The following CANX variants were observed in gnomAD, a reference collection of about 807,000 sequenced individuals.
The protein encoded by CANX is calnexin, also known as epididymis secretory sperm binding protein.
CANX carries 14 observed loss-of-function variants against 75.7 expected under a neutral mutation model. The ratio of observed to expected loss-of-function variants is 0.19; its 90% CI spans 0.12 to 0.29. The LOEUF (loss-of-function observed/expected upper bound fraction) is 0.29. Among genes scored for constraint, CANX ranks in the 10% least tolerant of loss-of-function variants. The pLI is 1.00. For missense variants in CANX, 567 were observed against 713.2 expected (o/e 0.79, Z 2.34); for synonymous variants, 227 against 236.9 (o/e 0.96, Z 0.38).
In CANX at chr5:179,712,908, A is replaced by T. The variant is rs1297380635; in HGVS notation, c.721+2843A>T. Among the ~76,000 whole-genome samples, 413 of 133,428 alleles carry T rather than the reference A, an allele frequency of 3.1e-3. 2 individuals carry two copies. Among genetic ancestry groups the T allele is most frequent in the Non-Finnish European group, 5.3e-3 (326 of 61,320 alleles). 87.5% of individuals were successfully genotyped at this position (133,428 alleles called of 152,430 possible). A position where few individuals can be genotyped will look rare whatever the true frequency, so the allele number is the denominator to read the frequency against. On this transcript the variant is annotated intron_variant, in intron 7 of 14. Transcript: ENST00000247461. ...CCAGCTAATTTTTCTTTTTTTTATT[A>T]TTATTATTTTTTTTTTTTTCCAGCT...
Position 179,723,665 on chromosome 5 carries a change from C to T in CANX, c.1404C>T (p.Gly468=), listed in dbSNP as rs768194077. 19 of 1,612,358 alleles carry T rather than the reference C, an allele frequency of 1.2e-5. No individual in the cohort carries two copies. The highest frequency in any genetic ancestry group is 1.6e-4 in the Middle Eastern group (1 of 6,072). The change falls in exon 12 of 15, where the codon GGC becomes GGT. Residue 468 remains glycine (G), a synonymous_variant. Transcript: ENST00000247461. ...KKAADGAAEP[G]VVGQMIEAAE... The stretch of plus-strand genomic sequence containing the variant: ...AGCCCTGTCTTGTTTTTCAGCCAGG[C>T]GTTGTGGGGCAGATGATCGAGGCAG...
At chr5:179,726,592 AAT>A in intron 13 of CANX, 86 bp from the exon 14 acceptor site, 4 of 895,020 alleles carry the variant, frequency 4.5e-6, no homozygotes, top group Admixed American at 2.8e-5. Flanking sequence ...AAAAAAAAAA[AAT>A]TGTAGATCTA....
intron 1 of CANX, chr5:179,700,304 A>C (rs553325288): frequency 3.7e-4 from 56 of 152,300 alleles, no homozygotes; most frequent in African/African-American, 1.3e-3. Context: ...GAAATGGAAG[A>C]TTTTGCTTAA....
chr5:179,709,785 A>G (rs952520930), intron 6 of CANX, 88 bp from the exon 7 acceptor site: 3 of 842,274 alleles, frequency 3.6e-6, no homozygotes, highest in East Asian at 2.7e-5. Flanking sequence ...TTGGAATTTT[A>G]TAAGAGGAAT....
At chr5:179,681,651 C>A (rs771957588) in intron 1 of CANX, among the ~76,000 whole-genome samples, 1 of 152,086 alleles carries the variant, frequency 6.6e-6, no homozygotes, top group South Asian at 2.1e-4. Flanking sequence ...CCAGCCAGCT[C>A]CTACAGCACC....
chr5:179,722,731 C>A, intron 10 of CANX, 73 bp from the exon 11 acceptor site: 2 of 1,004,388 alleles, frequency 2.0e-6, no homozygotes, highest in Non-Finnish European at 3.0e-6. Flanking sequence ...CAAAATTTCT[C>A]TTACGGTAGA....
rs1778900609 is a variant in CANX, at chr5:179,730,018, G to C, written c.*1374G>C. On this transcript the variant is annotated 3_prime_UTR_variant, in exon 15 of 15. Coordinates refer to ENST00000247461, the MANE Select transcript of CANX (RefSeq NM_001746.4). ...TAGAATTTTTAAAAAAGTGATCTTA[G>C]GTTTGTTTTTTCATGCGGGATGCAG... 6.6e-6 allele frequency: 1 copy of C among 152,428 alleles called. No individual in the cohort carries two copies. The highest frequency in any genetic ancestry group is 1.5e-5 in the Non-Finnish European group (1 of 68,020). The allele number at this position is 152,428 out of a possible 1,614,324, so 9.4% of individuals were successfully genotyped here.
chr5:179,727,133 C>G (rs1191336662), intron 14 of CANX, among the ~76,000 whole-genome samples: 1 of 152,144 alleles, frequency 6.6e-6, no homozygotes, highest in East Asian at 1.9e-4. Flanking sequence ...TCCCCGTTGT[C>G]CATAGATGGG....
chr5:179,711,879 CTT>C (rs1467099003), intron 7 of CANX, among the ~76,000 whole-genome samples: 1 of 151,424 alleles, frequency 6.6e-6, no homozygotes, highest in Admixed American at 6.6e-5. Flanking sequence ...GAGCAGATCA[CTT>C]GAGGTCAGGT....
At chr5:179,706,527 T>G (rs1777152066) in intron 3 of CANX, among the ~76,000 whole-genome samples, 196 bp downstream of exon 3, 1 of 152,106 alleles carries the variant, frequency 6.6e-6, no homozygotes, top group African/African-American at 2.4e-5. Context: ...CATTGCCACC[T>G]CCGTCTCCTG....
At chr5:179,697,344 A>G (rs1375815155), upstream of CANX, among the ~76,000 whole-genome samples, 1 of 152,164 alleles carries the variant, frequency 6.6e-6, no homozygotes, top group Non-Finnish European at 1.5e-5. Context: ...GATCACAGGG[A>G]GAGCCACCTC....
chr5:179,713,265 A>G (rs1460101461), intron 7 of CANX, among the ~76,000 whole-genome samples: 2 of 151,062 alleles, frequency 1.3e-5, no homozygotes, highest in Non-Finnish European at 3.0e-5. Context: ...TATTTTTAGT[A>G]GAGCCTTGTT....
At chr5:179,684,257 T>G (rs1776141790) in intron 1 of CANX, among the ~76,000 whole-genome samples, 1 of 152,106 alleles carries the variant, frequency 6.6e-6, no homozygotes, top group Non-Finnish European at 1.5e-5. Flanking sequence ...AAGGTGGTGG[T>G]GGCGTTTTTG....
intron 1 of CANX, among the ~76,000 whole-genome samples, chr5:179,689,449 G>A (rs1216669044): frequency 2.2e-5 from 3 of 135,510 alleles, no homozygotes; most frequent in Admixed American, 8.2e-5. Context: ...GTGTAATGGC[G>A]CAATCTTGGC....
intron 8 of CANX, among the ~76,000 whole-genome samples, chr5:179,716,645 A>G (rs1006583138): frequency 6.6e-5 from 10 of 152,236 alleles, no homozygotes; most frequent in Non-Finnish European, 1.0e-4. Context: ...AATTTGAAAA[A>G]TAACCTTTTT....
chr5:179,709,739 T>TG, intron 6 of CANX, 134 bp from the exon 7 acceptor site: 1 of 567,312 alleles, frequency 1.8e-6, no homozygotes, highest in Non-Finnish European at 3.1e-6. Flanking sequence ...TAAACAAACT[T>TG]GTAGTTAGCT....
chr5:179,725,517 T>G (rs1778593962), intron 13 of CANX, among the ~76,000 whole-genome samples: 1 of 150,362 alleles, frequency 6.7e-6, no homozygotes, highest in Admixed American at 6.6e-5. Context: ...CCATCTCTAC[T>G]AAAAATACAA....
intron 1 of CANX, among the ~76,000 whole-genome samples, chr5:179,702,598 G>C (rs929600175): frequency 6.6e-6 from 1 of 152,050 alleles, no homozygotes; most frequent in Admixed American, 6.6e-5. Flanking sequence ...ATCCATTGAT[G>C]GACACTTGGG....
intron 7 of CANX, chr5:179,715,876 C>G: frequency 1.9e-6 from 1 of 514,004 alleles, no homozygotes; most frequent in Non-Finnish European, 3.6e-6. Context: ...AAGATTTTAA[C>G]TATCATTTGC....
Sources: gnomAD v4.1 joint callset for allele counts (sites outside exome capture counted in the v4.1 genomes callset) on GRCh38, gnomAD v4.1.1 for gene constraint, MANE v1.5 for transcripts, NCBI Gene and HGNC (gene_info 2026-07-23, HGNC 2026-07-21) for gene names.